Variants in KLHL29 observed in about 807,000 individuals in gnomAD.
KLHL29 encodes kelch-like protein 29.
In KLHL29, 21 loss-of-function variants were observed where a neutral mutation model predicts 80.4. That is an observed-to-expected ratio of 0.26 (90% confidence interval 0.19 to 0.38). The LOEUF is 0.38. Among genes scored for constraint, KLHL29 ranks in the 10% least tolerant of loss-of-function variants. The probability of loss-of-function intolerance (pLI) is 1.00; values close to 1 mark genes in which losing one functional copy is unlikely to be tolerated. For missense variants in KLHL29, 867 were observed against 1,223.9 expected, an observed-to-expected ratio of 0.71 and a Z score of 4.35; for synonymous variants, 511 against 526.8, an observed-to-expected ratio of 0.97 and a Z score of 0.41.
intron 2 of KLHL29, among the ~76,000 whole-genome samples, chr2:23,525,896 C>G (rs1267274492): frequency 6.6e-6 from 1 of 152,222 alleles, no homozygotes; most frequent in African/African-American, 2.4e-5. Context: ...GATTGTCTTA[C>G]TGTGGCCTGG....
intron 3 of KLHL29, among the ~76,000 whole-genome samples, chr2:23,574,091 G>A (rs1338908811): frequency 1.3e-5 from 2 of 152,154 alleles, no homozygotes; most frequent in African/African-American, 4.8e-5. Flanking sequence ...TCATTGGCAG[G>A]ATGTTTGTGT....
chr2:23,589,893 C>G (rs979716038), intron 3 of KLHL29, among the ~76,000 whole-genome samples: 2 of 152,348 alleles, frequency 1.3e-5, no homozygotes, highest in South Asian at 4.1e-4. Flanking sequence ...TACAGCTGTA[C>G]AAGCTGTGCA....
chr2:23,510,192 C>T (rs1192047702), intron 2 of KLHL29, among the ~76,000 whole-genome samples: 5 of 152,078 alleles, frequency 3.3e-5, no homozygotes, highest in African/African-American at 7.2e-5. Flanking sequence ...ATCTTGCCCT[C>T]AGAAGAGCTT....
At chr2:23,584,163 C>A (rs1050579689) in intron 3 of KLHL29, among the ~76,000 whole-genome samples, 9 of 152,192 alleles carry the variant, frequency 5.9e-5, no homozygotes, top group African/African-American at 2.2e-4. Flanking sequence ...AGGCTCCAGC[C>A]GGCCTCCCAG....
chr2:23,412,131 G>T (rs1053299090), intron 1 of KLHL29, among the ~76,000 whole-genome samples: 1 of 147,110 alleles, frequency 6.8e-6, no homozygotes, highest in African/African-American at 2.5e-5. Flanking sequence ...AAGGGGGGGG[G>T]GGGGCGGTGC....
At chr2:23,569,430 C>T (rs1667664083) in intron 3 of KLHL29, among the ~76,000 whole-genome samples, 1 of 152,212 alleles carries the variant, frequency 6.6e-6, no homozygotes, top group Non-Finnish European at 1.5e-5. Flanking sequence ...CTGCAAAGAG[C>T]ATCACTCAAG....
chr2:23,660,644 G>A (rs1572474508), intron 5 of KLHL29, among the ~76,000 whole-genome samples: 2 of 152,326 alleles, frequency 1.3e-5, no homozygotes, highest in Non-Finnish European at 2.9e-5. Flanking sequence ...AGCCTTCTGG[G>A]AGTCCAGCCC....
rs188892105 is a variant in KLHL29, at chr2:23,395,938, G to A, written c.-154+10158G>A. On this transcript the variant is annotated intron_variant, in intron 1 of 13. Transcript: ENST00000486442. ...TCATGCAAGGTAGGACCACATTTTC[G>A]TTCCTGACAGATTGGTGATGTAAAC... Among the ~76,000 whole-genome samples the A allele has an allele frequency of 2.2e-4, 34 of 152,256 alleles. No individual in the cohort carries two copies. In the South Asian group the frequency reaches 4.1e-3, roughly 19 times the overall value.
intron 2 of KLHL29, among the ~76,000 whole-genome samples, chr2:23,543,826 C>T (rs1187691386): frequency 1.1e-4 from 17 of 152,102 alleles, no homozygotes; most frequent in Non-Finnish European, 2.5e-4. Context: ...GCTGGCTGCT[C>T]CCTCCACCAC....
At chr2:23,511,326 C>T (rs956348316) in intron 2 of KLHL29, among the ~76,000 whole-genome samples, 1 of 152,196 alleles carries the variant, frequency 6.6e-6, no homozygotes, top group African/African-American at 2.4e-5. Flanking sequence ...CTTCAAGGAG[C>T]TCCCTAGTCA....
At chr2:23,628,452 T>C (rs953863230) in intron 3 of KLHL29, among the ~76,000 whole-genome samples, 4 of 152,176 alleles carry the variant, frequency 2.6e-5, no homozygotes, top group African/African-American at 9.6e-5. Context: ...CCTGGGGTCG[T>C]TGGGAGTCAT....
chr2:23,671,049 G>A (rs549746199), intron 5 of KLHL29, among the ~76,000 whole-genome samples: 1 of 51,008 alleles, frequency 2.0e-5, no homozygotes, highest in Non-Finnish European at 5.9e-5. Context: ...CCTCCCAGCT[G>A]TGACTCCTCC....
chr2:23,646,863 T>C (rs538193940), intron 5 of KLHL29, among the ~76,000 whole-genome samples: 5 of 152,172 alleles, frequency 3.3e-5, no homozygotes, highest in Non-Finnish European at 7.4e-5. Context: ...ATCTTTAAAG[T>C]GGGGGTGACA....
chr2:23,626,515 G>A (rs192180983), intron 3 of KLHL29, among the ~76,000 whole-genome samples: 3 of 152,314 alleles, frequency 2.0e-5, no homozygotes, highest in East Asian at 3.9e-4. Context: ...AGCCTTGAGG[G>A]GCTGTCAACT....
At chr2:23,435,408 A>G (rs1663310265) in intron 1 of KLHL29, among the ~76,000 whole-genome samples, 1 of 152,296 alleles carries the variant, frequency 6.6e-6, no homozygotes, top group African/African-American at 2.4e-5. Context: ...GGGAAAGGCT[A>G]TAGGCTGATC....
chr2:23,489,904 C>T (rs748510420), intron 2 of KLHL29, among the ~76,000 whole-genome samples: 2 of 152,206 alleles, frequency 1.3e-5, no homozygotes, highest in Non-Finnish European at 2.9e-5. Context: ...TCCTCTCAGG[C>T]GGGTACCAGG....
intron 2 of KLHL29, among the ~76,000 whole-genome samples, chr2:23,478,468 G>A (rs1664696167): frequency 6.6e-6 from 1 of 152,168 alleles, no homozygotes; most frequent in Non-Finnish European, 1.5e-5. Flanking sequence ...CAGTTCAAGA[G>A]CCATGTGTGG....
intron 1 of KLHL29, among the ~76,000 whole-genome samples, chr2:23,408,306 G>GT (rs1218544559): frequency 2.0e-3 from 132 of 67,296 alleles, no homozygotes; most frequent in South Asian, 4.9e-3. Flanking sequence ...AAAAAATTGA[G>GT]TTTTTTTTTT....
At chr2:23,404,542 G>C (rs376095226) in intron 1 of KLHL29, among the ~76,000 whole-genome samples, 1 of 152,132 alleles carries the variant, frequency 6.6e-6, no homozygotes, top group Non-Finnish European at 1.5e-5. Flanking sequence ...TGACATGATC[G>C]AGGTGGTCCA....
Sources: gnomAD v4.1 joint callset for allele counts (sites outside exome capture counted in the v4.1 genomes callset) on GRCh38, gnomAD v4.1.1 for gene constraint, MANE v1.5 for transcripts, NCBI Gene and HGNC (gene_info 2026-07-23, HGNC 2026-07-21) for gene names.